Variants in PRELID2 observed in about 807,000 individuals in gnomAD.
PRELID2 encodes PRELI domain containing 2.
A neutral mutation model predicts 28.4 loss-of-function variants in PRELID2; 25 were observed. The observed-to-expected ratio is 0.88, with a 90% CI of 0.64 to 1.23. The LOEUF (loss-of-function observed/expected upper bound fraction) is 1.23. Among genes scored for constraint, PRELID2 ranks in the 50% most tolerant of loss-of-function variants. The pLI, the probability that PRELID2 is intolerant of heterozygous loss-of-function variation, is 0.00. For missense variants in PRELID2, 201 were observed against 214.4 expected (o/e 0.94, Z 0.39); for synonymous variants, 76 against 71.6 (o/e 1.06, Z -0.31).
At chr5:145,293,603 G>A in the PRELID2 span, among the ~76,000 whole-genome samples, 1 of 152,118 alleles carries the variant, frequency 6.6e-6, no homozygotes, top group African/African-American at 2.4e-5. Context: ...ATTCATTGCT[G>A]GTGATAAAAG....
At chr5:145,454,426 C>T in the PRELID2 span, among the ~76,000 whole-genome samples, 1 of 152,080 alleles carries the variant, frequency 6.6e-6, no homozygotes, top group Admixed American at 6.6e-5. Flanking sequence ...GAAGTTCTGG[C>T]CAGGGCAATT....
the PRELID2 span, among the ~76,000 whole-genome samples, chr5:145,327,744 C>G: frequency 6.6e-6 from 1 of 151,688 alleles, no homozygotes; most frequent in African/African-American, 2.4e-5. Context: ...TGCTTTGATG[C>G]CTTTGTCTTT....
At chr5:145,435,111 C>A in the PRELID2 span, among the ~76,000 whole-genome samples, 1 of 152,290 alleles carries the variant, frequency 6.6e-6, no homozygotes, top group East Asian at 1.9e-4. Flanking sequence ...GTGGGCAAGA[C>A]AAAACCTTCA....
At chr5:145,492,180 A>G (rs190039521) in intron 1 of PRELID2, among the ~76,000 whole-genome samples, 1 of 152,198 alleles carries the variant, frequency 6.6e-6, no homozygotes, top group Non-Finnish European at 1.5e-5. Flanking sequence ...CCTTTTCTCC[A>G]CATTATCTCC....
chr5:145,777,920 A>C (rs1053110377), intron 5 of PRELID2, among the ~76,000 whole-genome samples: 4 of 152,186 alleles, frequency 2.6e-5, no homozygotes, highest in Non-Finnish European at 4.4e-5. Context: ...ACTCAGAGCA[A>C]CATCAGGGCC....
the PRELID2 span, among the ~76,000 whole-genome samples, chr5:145,269,714 A>G: frequency 6.6e-6 from 1 of 150,658 alleles, no homozygotes; most frequent in South Asian, 2.1e-4. Context: ...TACAAACTAT[A>G]TATATATAGT....
chr5:145,500,415 AAGTG>A (rs993920831), intron 1 of PRELID2, among the ~76,000 whole-genome samples: 2 of 148,082 alleles, frequency 1.4e-5, no homozygotes, highest in African/African-American at 4.8e-5. Flanking sequence ...AGCCTGTAGA[AAGTG>A]AGCCAATTAA....
intron 1 of PRELID2, among the ~76,000 whole-genome samples, chr5:145,474,859 T>C (rs1001680712): frequency 1.1e-4 from 17 of 152,196 alleles, no homozygotes; most frequent in African/African-American, 3.9e-4. Context: ...TGATAATCAA[T>C]AGATTAACTC....
At chr5:145,315,545 GGTGTGTGTGTGT>G in the PRELID2 span, among the ~76,000 whole-genome samples, 3,355 of 142,984 alleles carry the variant, frequency 0.023, 51 homozygotes, top group Middle Eastern at 0.054. Flanking sequence ...GCTCTTTCAG[GGTGTGTGTGTGT>G]GTGTGTGTGT....
intron 1 of PRELID2, chr5:145,728,392 T>C (rs138368171): frequency 6.1e-6 from 3 of 489,402 alleles, no homozygotes; most frequent in African/African-American, 5.8e-5. Context: ...TGGCCCTGGG[T>C]AGAGCTCAGA....
the PRELID2 span, among the ~76,000 whole-genome samples, chr5:145,382,415 G>T: frequency 6.6e-6 from 1 of 151,904 alleles, no homozygotes; most frequent in South Asian, 2.1e-4. Flanking sequence ...AAAAATCTCA[G>T]CAAATGAAAC....
the PRELID2 span, among the ~76,000 whole-genome samples, chr5:145,345,814 C>T: frequency 1.3e-5 from 2 of 151,958 alleles, no homozygotes; most frequent in Admixed American, 6.6e-5. Flanking sequence ...CAACTACCAC[C>T]ACCCCGCACC....
At chr5:145,312,097 G>A in the PRELID2 span, among the ~76,000 whole-genome samples, 1 of 151,868 alleles carries the variant, frequency 6.6e-6, no homozygotes, top group Non-Finnish European at 1.5e-5. Context: ...TGTAATCTCA[G>A]CATTTTGGGA....
intron 1 of PRELID2, among the ~76,000 whole-genome samples, chr5:145,585,531 T>A (rs372597716): frequency 6.6e-6 from 1 of 152,176 alleles, no homozygotes; most frequent in Non-Finnish European, 1.5e-5. Context: ...AGGTAATCTA[T>A]GTAATGATAA....
intron 1 of PRELID2, among the ~76,000 whole-genome samples, chr5:145,603,850 T>C (rs1240403676): frequency 6.6e-6 from 1 of 152,108 alleles, no homozygotes; most frequent in Non-Finnish European, 1.5e-5. Flanking sequence ...TTATAATTTC[T>C]AGGATAAACT....
At chr5:145,560,763 A>G (rs1281489027) in intron 1 of PRELID2, among the ~76,000 whole-genome samples, 1 of 152,242 alleles carries the variant, frequency 6.6e-6, no homozygotes, top group African/African-American at 2.4e-5. Context: ...AGAATCAAAG[A>G]CATGTATGTT....
chr5:145,293,871 A>C, the PRELID2 span, among the ~76,000 whole-genome samples: 1 of 152,152 alleles, frequency 6.6e-6, no homozygotes, highest in Non-Finnish European at 1.5e-5. Context: ...AATTATCTCA[A>C]CTGCAGAAAG....
intron 1 of PRELID2, among the ~76,000 whole-genome samples, chr5:145,669,020 A>C (rs557795664): frequency 6.6e-6 from 1 of 152,226 alleles, no homozygotes; most frequent in South Asian, 2.1e-4. Flanking sequence ...TATGAGACAG[A>C]AACTTTCCTC....
chr5:145,353,613 A>C, the PRELID2 span, among the ~76,000 whole-genome samples: 1 of 152,148 alleles, frequency 6.6e-6, no homozygotes, highest in Admixed American at 6.6e-5. Flanking sequence ...TTCCTTCATC[A>C]CATGATGTTA....
Sources: allele counts gnomAD v4.1 joint callset (sites outside exome capture counted in the v4.1 genomes callset), GRCh38; gene constraint gnomAD v4.1.1; transcripts MANE v1.5; gene names NCBI Gene and HGNC (gene_info 2026-07-23, HGNC 2026-07-21).